CDH13: variants seen among roughly 807,000 people sequenced by gnomAD.
The protein encoded by CDH13 is cadherin 13, also known as cadherin-13.
CDH13 carries 24 observed loss-of-function variants against 63.8 expected under a neutral mutation model. That is an observed-to-expected ratio of 0.38 (90% CI 0.27 to 0.53). CDH13 has a LOEUF of 0.53. Among genes scored for constraint, CDH13 ranks in the 20% least tolerant of loss-of-function variants. The pLI, the probability that CDH13 is intolerant of heterozygous loss-of-function variation, is 0.85. For missense variants in CDH13, 1,049 were observed against 903.1 expected (o/e 1.16, Z -2.07); for synonymous variants, 503 against 355.3 (o/e 1.42, Z -4.67).
intron 7 of CDH13, among the ~76,000 whole-genome samples, chr16:83,500,542 T>C (rs375167156): frequency 6.4e-4 from 1 of 1,560 alleles, no homozygotes; most frequent in Non-Finnish European, 1.0e-3. Context: ...CTCCTCCCTC[T>C]CCCTCCTCCT....
chr16:83,179,078 A>G (rs532817620), intron 4 of CDH13, among the ~76,000 whole-genome samples: 4 of 152,286 alleles, frequency 2.6e-5, no homozygotes, highest in African/African-American at 9.6e-5. Flanking sequence ...GCAATTATGG[A>G]ATTCGAGTCT....
intron 8 of CDH13, among the ~76,000 whole-genome samples, chr16:83,633,316 C>T (rs940460989): frequency 2.5e-4 from 38 of 152,288 alleles, no homozygotes; most frequent in East Asian, 1.4e-3. Flanking sequence ...AAGGTGGCAC[C>T]GGTGTTCATT....
chr16:83,065,221 C>T (rs1422973436), intron 3 of CDH13, among the ~76,000 whole-genome samples: 1 of 152,118 alleles, frequency 6.6e-6, no homozygotes, highest in Non-Finnish European at 1.5e-5. Flanking sequence ...CCTGAGGAAT[C>T]CCAGCATTTA....
rs576545799 is a variant in CDH13 at position 83,174,943 on chromosome 16, C to T, written c.484-42402C>T. On this transcript the variant is annotated intron_variant, in intron 4 of 13. Transcript: ENST00000567109. ...ATGAGAACAGCTTGGGGGAACTGCC[C>T]CCATGATCCAGTCCTCTCCAACCAG... Among the ~76,000 whole-genome samples, 13 of 152,176 alleles carry T rather than the reference C, an allele frequency of 8.5e-5. No individual in the cohort carries two copies. In the South Asian group the frequency reaches 2.7e-3, roughly 32 times the overall value.
In CDH13 at chr16:82,937,739, CATA is replaced by C. The variant is rs370680438; in HGVS notation, c.157+79270_157+79272del. ...TGTAGGTCATCATGAATCAAGCGTCCATAATATCTGTTTGTCCACATATAACCT... is the reference window on the plus strand; with the variant it reads ...TGTAGGTCATCATGAATCAAGCGTCCATATCTGTTTGTCCACATATAACCT... On this transcript the variant is annotated intron_variant, in intron 2 of 13. Transcript: ENST00000567109. Among the ~76,000 whole-genome samples the C allele has an allele frequency of 3.0e-4, 45 of 152,288 alleles. No individual in the cohort carries two copies. The South Asian group carries it at 8.9e-3, about 30-fold the overall frequency.
chr16:83,052,922 C>T (rs905745852), intron 3 of CDH13, among the ~76,000 whole-genome samples: 1 of 151,858 alleles, frequency 6.6e-6, no homozygotes, highest in African/African-American at 2.4e-5. Flanking sequence ...ACAGATTGGG[C>T]CAAAGCCTAA....
chr16:82,852,981 C>T (rs1321807972), intron 1 of CDH13, among the ~76,000 whole-genome samples: 1 of 152,136 alleles, frequency 6.6e-6, no homozygotes. Flanking sequence ...AAAAAAAACC[C>T]TTTCTTTTTA....
chr16:83,106,527 C>G (rs765694626), intron 3 of CDH13, among the ~76,000 whole-genome samples: 1 of 152,106 alleles, frequency 6.6e-6, no homozygotes, highest in Admixed American at 6.6e-5. Context: ...GGCGACAAGG[C>G]GAGACTCCAC....
chr16:83,213,061 A>G (rs1347398646), intron 4 of CDH13, among the ~76,000 whole-genome samples: 3 of 152,198 alleles, frequency 2.0e-5, no homozygotes, highest in Admixed American at 1.3e-4. Context: ...TTCAGCAGCC[A>G]CATCCTTAAG....
intron 7 of CDH13, among the ~76,000 whole-genome samples, chr16:83,488,007 T>A (rs991462566): frequency 6.6e-6 from 1 of 152,214 alleles, no homozygotes. Context: ...CTAATTAGGT[T>A]GTCATTTGTC....
chr16:82,627,337 C>CGTGCGTGCGTGTGTGTGT (rs1555525839), intron 1 of CDH13, among the ~76,000 whole-genome samples, 200 bp downstream of exon 1: 9 of 131,184 alleles, frequency 6.9e-5, no homozygotes, highest in African/African-American at 8.5e-5. Flanking sequence ...CTCTGGCGTG[C>CGTGCGTGCGTGTGTGTGT]GTGTGTGTGT....
intron 7 of CDH13, among the ~76,000 whole-genome samples, chr16:83,538,992 T>A (rs1019972986): frequency 6.6e-6 from 1 of 152,178 alleles, no homozygotes; most frequent in African/African-American, 2.4e-5. Flanking sequence ...TGAGGACTTT[T>A]CAGAACTTTT....
intron 1 of CDH13, among the ~76,000 whole-genome samples, chr16:82,839,612 C>T (rs988027611): frequency 3.9e-5 from 6 of 152,176 alleles, no homozygotes; most frequent in East Asian, 1.9e-4. Context: ...ACTTGGATAA[C>T]GGCTTTGCTG....
At chr16:82,866,878 C>G (rs971387924) in intron 2 of CDH13, among the ~76,000 whole-genome samples, 1 of 152,150 alleles carries the variant, frequency 6.6e-6, no homozygotes, top group African/African-American at 2.4e-5. Flanking sequence ...GAAACCACCT[C>G]CATGATTCAA....
chr16:82,994,509 A>T (rs999539967), intron 2 of CDH13, among the ~76,000 whole-genome samples: 1 of 151,976 alleles, frequency 6.6e-6, no homozygotes, highest in African/African-American at 2.4e-5. Context: ...TAATCTCCCA[A>T]CCTTTACTCA....
intron 1 of CDH13, chr16:82,639,446 C>A (rs924223324): frequency 1.3e-6 from 2 of 1,534,804 alleles, no homozygotes; most frequent in South Asian, 2.4e-5. Flanking sequence ...CGTGACCCAC[C>A]TGCAGCTTCA....
chr16:83,096,962 T>A (rs2034234548), intron 3 of CDH13, among the ~76,000 whole-genome samples: 1 of 152,102 alleles, frequency 6.6e-6, no homozygotes, highest in South Asian at 2.1e-4. Flanking sequence ...CGGTTGAAAA[T>A]AAAAATATCT....
chr16:82,744,501 C>T (rs779680380), intron 1 of CDH13, among the ~76,000 whole-genome samples: 1 of 152,064 alleles, frequency 6.6e-6, no homozygotes, highest in African/African-American at 2.4e-5. Flanking sequence ...TGTATCTATA[C>T]GTCTTACTTC....
chr16:82,938,309 C>A (rs919641565), intron 2 of CDH13, among the ~76,000 whole-genome samples: 1 of 152,172 alleles, frequency 6.6e-6, no homozygotes, highest in South Asian at 2.1e-4. Flanking sequence ...TCCTACAGAG[C>A]GCTAAGCTTC....
Sources: allele counts gnomAD v4.1 joint callset (sites outside exome capture counted in the v4.1 genomes callset), GRCh38; gene constraint gnomAD v4.1.1; transcripts MANE v1.5; gene names NCBI Gene and HGNC (gene_info 2026-07-23, HGNC 2026-07-21).